The following IL1RAPL2 variants were observed in gnomAD, a reference collection of about 807,000 sequenced individuals.
IL1RAPL2 encodes the protein interleukin 1 receptor accessory protein like 2, also known as X-linked interleukin-1 receptor accessory protein-like 2.
Under a neutral mutation model 44.1 loss-of-function variants are expected in IL1RAPL2, and 3 were observed. That is an observed-to-expected ratio of 0.07 (90% CI 0.03 to 0.18). The LOEUF (loss-of-function observed/expected upper bound fraction) is 0.18, where lower values mean the gene tolerates loss of function less well. IL1RAPL2 is among the 10% of genes least tolerant of loss of function. IL1RAPL2 has a pLI of 1.00. For synonymous variants in IL1RAPL2, 181 were observed against 178.8 expected (o/e 1.01, Z -0.10); for missense variants, 391 against 496.4 (o/e 0.79, Z 2.02).
intron 2 of IL1RAPL2, among the ~76,000 whole-genome samples, chrX:104,786,956 T>A (rs1349280930): frequency 3.0e-5 from 3 of 98,937 alleles, no homozygotes; most frequent in Non-Finnish European, 4.1e-5. Context: ...TCTCTCTCTC[T>A]CTCTCTCTCT....
chrX:105,336,456 G>A (rs1351403021), intron 5 of IL1RAPL2, among the ~76,000 whole-genome samples: 1 of 112,351 alleles, frequency 8.9e-6, no homozygotes, highest in African/African-American at 3.2e-5. Context: ...TCAAGTTTGT[G>A]CTATTCCTTA....
chrX:105,604,821 G>C (rs1430309757), intron 6 of IL1RAPL2, among the ~76,000 whole-genome samples: 3 of 110,849 alleles, frequency 2.7e-5, no homozygotes, highest in African/African-American at 9.8e-5. Context: ...TCACAAAGAT[G>C]GTTCAGCATA....
intron 2 of IL1RAPL2, among the ~76,000 whole-genome samples, chrX:105,059,886 G>A (rs894857891): frequency 8.9e-6 from 1 of 112,034 alleles, no homozygotes; most frequent in African/African-American, 3.2e-5. Context: ...CCAAATCTTG[G>A]CTATTGTGAA....
At chrX:105,613,228 G>A (rs183426075) in intron 6 of IL1RAPL2, among the ~76,000 whole-genome samples, 454 of 111,640 alleles carry the variant, frequency 4.1e-3, no homozygotes, top group Non-Finnish European at 7.3e-3. Context: ...CTCTGAGCCA[G>A]AAGAGAACCC....
intron 3 of IL1RAPL2, among the ~76,000 whole-genome samples, chrX:105,203,490 G>T (rs782568229): frequency 4.9e-5 from 5 of 102,662 alleles, no homozygotes; most frequent in African/African-American, 7.2e-5. Flanking sequence ...GCAGTTATTT[G>T]TGTATCAATT....
At chrX:105,147,288 A>C (rs1330034945) in intron 2 of IL1RAPL2, among the ~76,000 whole-genome samples, 1 of 111,647 alleles carries the variant, frequency 9.0e-6, no homozygotes, top group Non-Finnish European at 1.9e-5. Context: ...CAGGCTGCTC[A>C]TTTACTTCTC....
At chrX:105,403,761 C>T (rs774976938) in intron 5 of IL1RAPL2, among the ~76,000 whole-genome samples, 16 of 111,334 alleles carry the variant, frequency 1.4e-4, no homozygotes, top group Non-Finnish European at 2.3e-4. Context: ...GTTTGGGCTA[C>T]TACCTTTCTC....
chrX:105,644,445 C>A (rs1313340446), intron 6 of IL1RAPL2, among the ~76,000 whole-genome samples: 1 of 110,704 alleles, frequency 9.0e-6, no homozygotes, highest in Non-Finnish European at 1.9e-5. Context: ...GTCAAGCAAG[C>A]CACAGCAACC....
At chrX:104,878,486 A>G (rs1877064095) in intron 2 of IL1RAPL2, among the ~76,000 whole-genome samples, 1 of 111,952 alleles carries the variant, frequency 8.9e-6, no homozygotes, top group Non-Finnish European at 1.9e-5. Context: ...GCTCAACCTC[A>G]CTTATGCATT....
chrX:104,958,433 A>T (rs1327558443), intron 2 of IL1RAPL2, among the ~76,000 whole-genome samples: 1 of 107,002 alleles, frequency 9.3e-6, no homozygotes, highest in Non-Finnish European at 1.9e-5. Flanking sequence ...AGGCCTAGGT[A>T]TAGTCATTTC....
At chrX:104,785,165 C>T (rs1221991351) in intron 2 of IL1RAPL2, among the ~76,000 whole-genome samples, 1 of 109,647 alleles carries the variant, frequency 9.1e-6, no homozygotes, top group African/African-American at 3.3e-5. Context: ...GCGTGCACTA[C>T]CACACCTGGG....
intron 2 of IL1RAPL2, among the ~76,000 whole-genome samples, chrX:104,781,102 T>C (rs1325599954): frequency 1.8e-5 from 2 of 110,288 alleles, no homozygotes; most frequent in Non-Finnish European, 3.8e-5. Flanking sequence ...AGACTCCTAT[T>C]TACTGCTTTA....
chrX:104,612,595 T>C (rs1255358044), intron 1 of IL1RAPL2, among the ~76,000 whole-genome samples: 3 of 112,174 alleles, frequency 2.7e-5, no homozygotes, highest in African/African-American at 9.7e-5. Context: ...TAGTACAGTT[T>C]GAAGCCAGGT....
chrX:105,568,278 A>G (rs1438878544), intron 6 of IL1RAPL2, among the ~76,000 whole-genome samples: 4 of 111,980 alleles, frequency 3.6e-5, no homozygotes, highest in South Asian at 3.7e-4. Flanking sequence ...ATCATCCCCT[A>G]TCACTACAAC....
At chrX:105,037,125 T>C (rs2031643657) in intron 2 of IL1RAPL2, among the ~76,000 whole-genome samples, 1 of 111,520 alleles carries the variant, frequency 9.0e-6, no homozygotes, top group Non-Finnish European at 1.9e-5. Context: ...AGTAAGAGGA[T>C]CAAATAAAAG....
intron 2 of IL1RAPL2, among the ~76,000 whole-genome samples, chrX:105,116,101 C>T (rs1231530674): frequency 5.3e-5 from 1 of 18,802 alleles, no homozygotes; most frequent in East Asian, 1.8e-3. Flanking sequence ...TTCACACCTC[C>T]CTGCAAGTGG....
At chrX:105,696,982 T>C (rs778899703) in intron 6 of IL1RAPL2, among the ~76,000 whole-genome samples, 121 of 110,989 alleles carry the variant, frequency 1.1e-3, no homozygotes, top group African/African-American at 3.8e-3. Flanking sequence ...GATGAGGACT[T>C]AGGAAGCTTT....
intron 2 of IL1RAPL2, among the ~76,000 whole-genome samples, chrX:104,946,199 C>T (rs1925344121): frequency 9.9e-6 from 1 of 100,739 alleles, no homozygotes; most frequent in Non-Finnish European, 2.0e-5. Context: ...GGTGAAACCC[C>T]GTCTCTACTA....
rs144570512 is a variant in IL1RAPL2 at position 104,894,345 on chromosome X, G to A, written c.82+235350G>A. 6.4e-3 allele frequency among the ~76,000 whole-genome samples: 709 copies of A among 111,599 alleles called. 3 individuals are homozygous for A. Among genetic ancestry groups the A allele is most frequent in the African/African-American group, 0.022 (674 of 30,707 alleles). On this transcript the variant is annotated intron_variant, in intron 2 of 10. Transcript: ENST00000372582. ...AATGTTGGCCTGCCTTGCTAGGTTG[G>A]GGAACTTCTCCTGGATAATATCCTG...
Sources: gnomAD v4.1 joint callset for allele counts (sites outside exome capture counted in the v4.1 genomes callset) on GRCh38, gnomAD v4.1.1 for gene constraint, MANE v1.5 for transcripts, NCBI Gene and HGNC (gene_info 2026-07-23, HGNC 2026-07-21) for gene names.